FAM193A: variants seen among roughly 807,000 people sequenced by gnomAD.
FAM193A encodes the protein protein FAM193A.
Under a neutral mutation model 126.5 loss-of-function variants are expected in FAM193A, and 22 were observed. That is an observed-to-expected ratio of 0.17 (90% CI 0.12 to 0.25). FAM193A has a LOEUF of 0.25. Among genes scored for constraint, FAM193A ranks in the 10% least tolerant of loss-of-function variants. The pLI, the probability that FAM193A is intolerant of heterozygous loss-of-function variation, is 1.00. For missense variants in FAM193A, 1,675 were observed against 1,672.8 expected, an observed-to-expected ratio of 1.00 and a Z score of -0.02; for synonymous variants, 761 against 646.8, an observed-to-expected ratio of 1.18 and a Z score of -2.68.
chr4:2,718,904 A>G (rs1719820859), intron 20 of FAM193A, among the ~76,000 whole-genome samples: 1 of 152,190 alleles, frequency 6.6e-6, no homozygotes, highest in Non-Finnish European at 1.5e-5. Context: ...GTAACTACTA[A>G]AGAAATGAAA....
chr4:2,651,920 A>G (rs1172714495), intron 7 of FAM193A, among the ~76,000 whole-genome samples: 1 of 151,424 alleles, frequency 6.6e-6, no homozygotes, highest in East Asian at 2.0e-4. Flanking sequence ...GTGTGTGATC[A>G]GAAAGAGTCC....
intron 13 of FAM193A, among the ~76,000 whole-genome samples, chr4:2,676,195 G>C (rs1010763255): frequency 6.6e-6 from 1 of 152,188 alleles, no homozygotes; most frequent in East Asian, 1.9e-4. Context: ...TGGAGGAACT[G>C]CCACCGTTTC....
At chr4:2,678,178 G>A (rs1037341315) in intron 13 of FAM193A, among the ~76,000 whole-genome samples, 1 of 151,928 alleles carries the variant, frequency 6.6e-6, no homozygotes, top group Admixed American at 6.6e-5. Flanking sequence ...TAGAGATGGG[G>A]TTTCACTGTG....
At chr4:2,626,832 T>C (rs1213568106) in intron 4 of FAM193A, among the ~76,000 whole-genome samples, 2 of 152,248 alleles carry the variant, frequency 1.3e-5, no homozygotes, top group Non-Finnish European at 2.9e-5. Context: ...CACTTGTTTG[T>C]GTGAAGACTG....
At chr4:2,647,365 C>T (rs1023925385) in intron 7 of FAM193A, among the ~76,000 whole-genome samples, 28 of 152,046 alleles carry the variant, frequency 1.8e-4, no homozygotes, top group African/African-American at 6.0e-4. Flanking sequence ...AGGCTGGTCT[C>T]GAACTCCCGA....
chr4:2,536,273 C>T (rs1347099981), upstream of FAM193A, among the ~76,000 whole-genome samples: 4 of 151,808 alleles, frequency 2.6e-5, no homozygotes, highest in East Asian at 5.9e-4. Flanking sequence ...GCCGGCCTAG[C>T]CCTACGCCCG....
At chr4:2,593,156 T>TCTC (rs1245143312) in intron 1 of FAM193A, among the ~76,000 whole-genome samples, 1 of 152,090 alleles carries the variant, frequency 6.6e-6, no homozygotes, top group Non-Finnish European at 1.5e-5. Flanking sequence ...CCCTAGCTCT[T>TCTC]CTCCTCCTCT....
intron 4 of FAM193A, among the ~76,000 whole-genome samples, chr4:2,630,233 G>A (rs185834396): frequency 4.4e-4 from 66 of 151,010 alleles, no homozygotes; most frequent in Admixed American, 7.9e-4. Context: ...CATTGCATTT[G>A]TGGCTTAGTC....
chr4:2,617,486 G>A (rs1034490182), intron 2 of FAM193A, among the ~76,000 whole-genome samples: 5 of 150,304 alleles, frequency 3.3e-5, no homozygotes, highest in Admixed American at 2.7e-4. Context: ...GGCTGATCTC[G>A]ATCTCCTGAC....
At chr4:2,645,446 A>C (rs909180848) in intron 6 of FAM193A, among the ~76,000 whole-genome samples, 1 of 151,172 alleles carries the variant, frequency 6.6e-6, no homozygotes, top group African/African-American at 2.4e-5. Context: ...GTTTTTTCTC[A>C]CTGTCCACCT....
At chr4:2,593,410 A>G (rs2108902513) in intron 1 of FAM193A, among the ~76,000 whole-genome samples, 1 of 152,322 alleles carries the variant, frequency 6.6e-6, no homozygotes, top group Non-Finnish European at 1.5e-5. Context: ...AGGTACAGCC[A>G]TGTCGGCTTC....
intron 20 of FAM193A, chr4:2,719,954 TA>T: frequency 1.3e-5 from 4 of 310,402 alleles, no homozygotes; most frequent in Admixed American, 3.6e-5. Flanking sequence ...CATGCCTGGC[TA>T]ATTTTTTTTT....
rs144135544 is a variant in FAM193A at position 2,693,679 on chromosome 4, C to T, written c.2897C>T (p.Ala966Val). ...NSPTGLAPLPALSPAALSPAA... is the reference protein window; with the variant it reads ...NSPTGLAPLPVLSPAALSPAA... ...CCCACGGGCTTGGCCCCCCTCCCAG[C>T]GCTCTCGCCTGCTGCGCTGTCACCT... The change falls in exon 16 of 21, where the codon GCG becomes GTG. Residue 966 changes from alanine to valine, a missense_variant. Ala to Val is a moderately conservative substitution (Grantham distance 64, BLOSUM62 0). Coordinates refer to ENST00000637812, the MANE Select transcript of FAM193A (RefSeq NM_001366318.2). The T allele has an allele frequency of 4.9e-5, 79 of 1,614,220 alleles. No homozygotes were observed. In the African/African-American group the frequency reaches 8.5e-4, roughly 17 times the overall value.
chr4:2,671,702 C>T (rs1411188964), intron 12 of FAM193A, among the ~76,000 whole-genome samples: 1 of 152,218 alleles, frequency 6.6e-6, no homozygotes, highest in Non-Finnish European at 1.5e-5. Context: ...TCCACCGTAA[C>T]CGGAAGTCGC....
At chr4:2,645,259 T>C (rs764224935) in intron 6 of FAM193A, among the ~76,000 whole-genome samples, 1 of 152,218 alleles carries the variant, frequency 6.6e-6, no homozygotes, top group Non-Finnish European at 1.5e-5. Flanking sequence ...CTTGTCAAGA[T>C]GTCTTTATTC....
chr4:2,590,238 G>A (rs1740451353), intron 1 of FAM193A, among the ~76,000 whole-genome samples: 1 of 151,370 alleles, frequency 6.6e-6, no homozygotes, highest in South Asian at 2.1e-4. Flanking sequence ...TTGGGAGGCC[G>A]AGGCGGGCAG....
chr4:2,698,646 T>G (rs1359689139), intron 18 of FAM193A, among the ~76,000 whole-genome samples: 2 of 152,250 alleles, frequency 1.3e-5, no homozygotes, highest in African/African-American at 2.4e-5. Context: ...GAAATGCTTT[T>G]GGCAGAGTTT....
chr4:2,707,717 T>A (rs1718465370), intron 19 of FAM193A, among the ~76,000 whole-genome samples: 3 of 149,956 alleles, frequency 2.0e-5, no homozygotes, highest in Admixed American at 6.6e-5. Flanking sequence ...TTTCTTATTT[T>A]TTTTTTTTTT....
At chr4:2,701,164 G>T (rs1294844108) in intron 19 of FAM193A, among the ~76,000 whole-genome samples, 2 of 151,208 alleles carry the variant, frequency 1.3e-5, no homozygotes, top group Non-Finnish European at 2.9e-5. Context: ...TCAAGATAAA[G>T]ACACTTATAA....
Sources: allele counts gnomAD v4.1 joint callset (sites outside exome capture counted in the v4.1 genomes callset), GRCh38; gene constraint gnomAD v4.1.1; transcripts MANE v1.5; gene names NCBI Gene and HGNC (gene_info 2026-07-23, HGNC 2026-07-21).